The following RPAP2 variants were observed in gnomAD, a reference collection of about 807,000 sequenced individuals.
RPAP2 encodes the protein RNA polymerase II associated protein 2.
Under a neutral mutation model 73.1 loss-of-function variants are expected in RPAP2, and 52 were observed. The ratio of observed to expected loss-of-function variants is 0.71; its 90% CI spans 0.57 to 0.90. The LOEUF (loss-of-function observed/expected upper bound fraction) is 0.90. Ranked by LOEUF, RPAP2 falls within the 40% of genes least tolerant of loss-of-function variation. The probability of loss-of-function intolerance (pLI) is 0.00; values close to 1 mark genes in which losing one functional copy is unlikely to be tolerated. For missense variants in RPAP2, 598 were observed against 701.8 expected (o/e 0.85, Z 1.67); for synonymous variants, 225 against 242.1 (o/e 0.93, Z 0.65).
chr1:92,329,929 C>T (rs1652861439), intron 8 of RPAP2, among the ~76,000 whole-genome samples: 1 of 152,098 alleles, frequency 6.6e-6, no homozygotes, highest in African/African-American at 2.4e-5. Flanking sequence ...GGACTGTTTT[C>T]CAAAGCGTGA....
chr1:92,354,519 A>G (rs1255557596), intron 11 of RPAP2, among the ~76,000 whole-genome samples: 1 of 152,256 alleles, frequency 6.6e-6, no homozygotes, highest in African/African-American at 2.4e-5. Context: ...GTGAGTTACA[A>G]AGAACTTTTT....
chr1:92,346,564 G>A (rs2101311195), intron 11 of RPAP2, among the ~76,000 whole-genome samples: 1 of 152,054 alleles, frequency 6.6e-6, no homozygotes, highest in Middle Eastern at 3.4e-3. Context: ...CATTGAATGG[G>A]CTTCATTATT....
chr1:92,373,739 TAAAA>T (rs59586077), intron 11 of RPAP2, among the ~76,000 whole-genome samples: 2,329 of 79,994 alleles, frequency 0.029, 51 homozygotes, highest in African/African-American at 0.096. Flanking sequence ...CTACTAAAAA[TAAAA>T]AAAAAAAAAA....
chr1:92,373,966 A>G (rs1313474983), intron 11 of RPAP2, among the ~76,000 whole-genome samples: 3 of 152,066 alleles, frequency 2.0e-5, no homozygotes, highest in Admixed American at 6.6e-5. Flanking sequence ...GGGTTGGCAA[A>G]CTTTGGTAAA....
intron 10 of RPAP2, 29 bp downstream of exon 10, chr1:92,336,456 T>G: frequency 1.4e-6 from 2 of 1,444,916 alleles, no homozygotes; most frequent in Non-Finnish European, 1.9e-6. Context: ...ATTATCCTTC[T>G]CAATTATTTT....
chr1:92,394,459 G>C lies in RPAP2; in HGVS notation c.*7448G>C, dbSNP rs990433434. ...CTACATGTTCTGCACATGTAACCCA[G>C]AACTTAAAGTATAATAAAAAAAATA... is the stretch of plus-strand genomic sequence containing the variant. On this transcript the variant is annotated 3_prime_UTR_variant, in exon 13 of 13. Transcript: ENST00000610020. 2 of 152,008 alleles carry C rather than the reference G, an allele frequency of 1.3e-5. No homozygotes were observed. The highest frequency in any genetic ancestry group is 3.9e-4 in the East Asian group (2 of 5,186). The allele number at this position is 152,008 out of a possible 1,614,324, so 9.4% of individuals were successfully genotyped here.
rs1656290715 is a variant in RPAP2 at position 92,400,546 on chromosome 1, A to G, written c.*13535A>G. 1 of 152,120 alleles carries G rather than the reference A, an allele frequency of 6.6e-6. No individual in the cohort carries two copies. Among genetic ancestry groups the G allele is most frequent in the African/African-American group, 2.4e-5 (1 of 41,424 alleles). 9.4% of individuals were successfully genotyped at this position (152,120 alleles called of 1,614,324 possible). ...GTGTCACTATGTTACCCAGGTCTCA[A>G]TCACTATGTTACTCCTTGCCTCAAG... On this transcript the variant is annotated 3_prime_UTR_variant, in exon 13 of 13. Coordinates refer to ENST00000610020, the MANE Select transcript of RPAP2 (RefSeq NM_024813.3).
intron 3 of RPAP2, 37 bp from the exon 4 acceptor site, chr1:92,303,940 T>G (rs1651033480): frequency 7.0e-7 from 1 of 1,425,356 alleles, no homozygotes; most frequent in South Asian, 1.2e-5. Context: ...ACTTTTCTAT[T>G]AAACTAGGAG....
rs1444655569 is a variant in RPAP2 at position 92,380,716 on chromosome 1, T to G, written c.1689-8T>G. The G allele has an allele frequency of 1.0e-5, 16 of 1,554,936 alleles. No homozygotes were observed. Among genetic ancestry groups the G allele is most frequent in the Non-Finnish European group, 1.3e-5 (15 of 1,158,994 alleles). On this transcript the variant is annotated splice_polypyrimidine_tract_variant and splice_region_variant and intron_variant, in intron 11 of 12. Coordinates refer to ENST00000610020, the MANE Select transcript of RPAP2 (RefSeq NM_024813.3). ...TGGATATGCATTTAGTATTTTTGGT[T>G]GTTTCAGACTGACCCCAATTCTTGG...
At position 92,388,642 on chromosome 1, in the gene RPAP2, T is replaced by G. The variant is rs1219201366; in HGVS notation, c.*1631T>G. ...AAGGGAAGCCGTGAGTGACTATACC[T>G]GGAGGAGGGGTACACTCCTGCCCAA... is the stretch of plus-strand genomic sequence containing the variant. On this transcript the variant is annotated 3_prime_UTR_variant, in exon 13 of 13. Coordinates refer to ENST00000610020, the MANE Select transcript of RPAP2 (RefSeq NM_024813.3). 2 of 152,210 alleles carry G rather than the reference T, an allele frequency of 1.3e-5. No homozygotes were observed. Among genetic ancestry groups the G allele is most frequent in the Non-Finnish European group, 2.9e-5 (2 of 68,056 alleles). 9.4% of individuals were successfully genotyped at this position (152,210 alleles called of 1,614,324 possible).
intron 9 of RPAP2, 21 bp from the exon 10 acceptor site, chr1:92,336,326 A>G (rs1653273984): frequency 6.4e-7 from 1 of 1,563,270 alleles, no homozygotes; most frequent in Non-Finnish European, 8.8e-7. Flanking sequence ...TTTAAAATAA[A>G]TGTAATTTTT....
At chr1:92,310,053 T>C (rs1352476876) in intron 6 of RPAP2, among the ~76,000 whole-genome samples, 1 of 152,150 alleles carries the variant, frequency 6.6e-6, no homozygotes, top group Non-Finnish European at 1.5e-5. Context: ...TAGTGATCCG[T>C]ATGAGACCAG....
At chr1:92,371,016 T>C (rs921817738) in intron 11 of RPAP2, among the ~76,000 whole-genome samples, 2 of 151,788 alleles carry the variant, frequency 1.3e-5, no homozygotes, top group Non-Finnish European at 2.9e-5. Context: ...CCTCAAGAAA[T>C]TAAAAATAGG....
intron 9 of RPAP2, 128 bp from the exon 10 acceptor site, chr1:92,336,219 A>T (rs1653268004): frequency 1.5e-6 from 1 of 659,692 alleles, no homozygotes; most frequent in Non-Finnish European, 2.7e-6. Flanking sequence ...ACCTAGGTTA[A>T]CCTTTAAATC....
At chr1:92,349,478 AT>A (rs1654089210) in intron 11 of RPAP2, among the ~76,000 whole-genome samples, 1 of 152,218 alleles carries the variant, frequency 6.6e-6, no homozygotes, top group Non-Finnish European at 1.5e-5. Context: ...GGGGAAAAAA[AT>A]CAACATTTTG....
intron 6 of RPAP2, 123 bp downstream of exon 6, chr1:92,307,399 G>C: frequency 1.7e-6 from 1 of 605,412 alleles, no homozygotes; most frequent in South Asian, 2.5e-5. Context: ...TATACTTTAT[G>C]GGGAAATGGT....
At chr1:92,366,597 G>A (rs1424489563) in intron 11 of RPAP2, among the ~76,000 whole-genome samples, 3 of 152,150 alleles carry the variant, frequency 2.0e-5, no homozygotes, top group African/African-American at 4.8e-5. Context: ...TAATGGAGTT[G>A]AATCTTCTGC....
At chr1:92,314,876 C>T (rs1651817942) in intron 6 of RPAP2, among the ~76,000 whole-genome samples, 1 of 151,922 alleles carries the variant, frequency 6.6e-6, no homozygotes, top group Non-Finnish European at 1.5e-5. Context: ...AAAACCCCGT[C>T]TCTACTAAAA....
intron 11 of RPAP2, among the ~76,000 whole-genome samples, chr1:92,352,657 T>A (rs189977429): frequency 4.6e-5 from 7 of 152,328 alleles, no homozygotes; most frequent in Admixed American, 3.3e-4. Context: ...ACTATGGAAT[T>A]TTTATATTTA....
Sources: allele counts gnomAD v4.1 joint callset (sites outside exome capture counted in the v4.1 genomes callset), GRCh38; gene constraint gnomAD v4.1.1; transcripts MANE v1.5; gene names NCBI Gene and HGNC (gene_info 2026-07-23, HGNC 2026-07-21).